LINGO2: variants seen among roughly 807,000 people sequenced by gnomAD.
LINGO2 encodes the protein leucine rich repeat and Ig domain containing 2, also known as leucine-rich repeat and immunoglobulin-like domain-containing nogo receptor-interacting protein 2.
Under a neutral mutation model 30.6 loss-of-function variants are expected in LINGO2, and 14 were observed. That is an observed-to-expected ratio of 0.46 (90% CI 0.30 to 0.72). The LOEUF is 0.72. Ranked by LOEUF, LINGO2 falls within the 30% of genes least tolerant of loss-of-function variation. LINGO2 has a pLI of 0.07. For synonymous variants in LINGO2, 317 were observed against 288.5 expected (o/e 1.10, Z -1.00); for missense variants, 729 against 751.7 (o/e 0.97, Z 0.35).
rs569701444 is a variant in LINGO2, at chr9:28,430,109, C to CGCGCGTGTGTGT, written c.-279+45830_-279+45831insACACACACGCGC. Among the ~76,000 whole-genome samples, 322 of 136,196 alleles carry CGCGCGTGTGTGT rather than the reference C, an allele frequency of 2.4e-3. 1 individual carries two copies. Among genetic ancestry groups the CGCGCGTGTGTGT allele is most frequent in the Middle Eastern group, 7.5e-3 (2 of 266 alleles). 89.3% of individuals were successfully genotyped at this position (136,196 alleles called of 152,430 possible). On this transcript the variant is annotated intron_variant, in intron 2 of 5. Transcript: ENST00000379992. The stretch of plus-strand genomic sequence containing the variant: ...AGGCTGATTTCCACGCGCGCGCGCG[C>CGCGCGTGTGTGT]GTGTGTGTGTGTGTGTGTGTGATTC...
At chr9:28,937,148 C>A in the LINGO2 span, among the ~76,000 whole-genome samples, 30 of 152,252 alleles carry the variant, frequency 2.0e-4, no homozygotes, top group African/African-American at 6.5e-4. Context: ...AATCTACCCT[C>A]TGGTCCCCCA....
At chr9:28,201,764 C>A (rs887135236) in intron 4 of LINGO2, among the ~76,000 whole-genome samples, 5 of 151,910 alleles carry the variant, frequency 3.3e-5, no homozygotes, top group Non-Finnish European at 5.9e-5. Context: ...CCTTTCCCCC[C>A]ACATCCTTTC....
chr9:29,108,115 C>T, the LINGO2 span, among the ~76,000 whole-genome samples: 1 of 152,106 alleles, frequency 6.6e-6, no homozygotes, highest in African/African-American at 2.4e-5. Flanking sequence ...AATTCTTGCT[C>T]CTATTCCAAC....
At chr9:28,386,416 T>C (rs1170786560) in intron 2 of LINGO2, among the ~76,000 whole-genome samples, 1 of 152,158 alleles carries the variant, frequency 6.6e-6, no homozygotes, top group East Asian at 1.9e-4. Flanking sequence ...ACATATCCTG[T>C]TCCTACTCAA....
chr9:28,821,907 G>A, the LINGO2 span, among the ~76,000 whole-genome samples: 1 of 152,156 alleles, frequency 6.6e-6, no homozygotes, highest in Admixed American at 6.6e-5. Flanking sequence ...CTGTTGGAGA[G>A]TGGGAGACAA....
At chr9:28,614,850 T>A (rs1826070890) in intron 1 of LINGO2, among the ~76,000 whole-genome samples, 1 of 152,066 alleles carries the variant, frequency 6.6e-6, no homozygotes, top group African/African-American at 2.4e-5. Flanking sequence ...ACTCCTCAGG[T>A]GTCAACCCTA....
intron 1 of LINGO2, among the ~76,000 whole-genome samples, chr9:28,613,061 T>C (rs1044191827): frequency 1.3e-5 from 2 of 152,140 alleles, no homozygotes; most frequent in African/African-American, 4.8e-5. Flanking sequence ...TTCTCCTTCC[T>C]GTCATCTTGT....
the LINGO2 span, among the ~76,000 whole-genome samples, chr9:28,726,229 T>C: frequency 6.6e-6 from 1 of 152,166 alleles, no homozygotes; most frequent in African/African-American, 2.4e-5. Flanking sequence ...ATCTCATTAT[T>C]TCGTCCTTAT....
At chr9:27,986,989 G>A (rs568489342) in intron 5 of LINGO2, among the ~76,000 whole-genome samples, 34 of 151,566 alleles carry the variant, frequency 2.2e-4, no homozygotes, top group African/African-American at 8.0e-4. Flanking sequence ...ATAAGGTGGG[G>A]AATAGTAATT....
intron 4 of LINGO2, among the ~76,000 whole-genome samples, chr9:28,223,431 C>G (rs1821037115): frequency 6.6e-6 from 1 of 152,146 alleles, no homozygotes; most frequent in African/African-American, 2.4e-5. Flanking sequence ...GGGGAGAAGC[C>G]CTTATAACCT....
chr9:28,054,886 C>T (rs913980611), intron 4 of LINGO2, among the ~76,000 whole-genome samples: 1 of 151,998 alleles, frequency 6.6e-6, no homozygotes, highest in Non-Finnish European at 1.5e-5. Context: ...TTCAAATATC[C>T]AAGCACTACT....
chr9:28,489,193 T>C (rs1251617614), intron 1 of LINGO2, among the ~76,000 whole-genome samples: 3 of 152,146 alleles, frequency 2.0e-5, no homozygotes, highest in Admixed American at 2.0e-4. Flanking sequence ...GATATCACAC[T>C]TTAAAATGTC....
chr9:28,440,026 T>A (rs1462555477), intron 2 of LINGO2, among the ~76,000 whole-genome samples: 1 of 152,202 alleles, frequency 6.6e-6, no homozygotes, highest in Non-Finnish European at 1.5e-5. Flanking sequence ...TTTGGTGTTA[T>A]TTTTCACCCT....
At chr9:28,538,511 A>C (rs1243296069) in intron 1 of LINGO2, among the ~76,000 whole-genome samples, 1 of 152,152 alleles carries the variant, frequency 6.6e-6, no homozygotes, top group Non-Finnish European at 1.5e-5. Context: ...AGAATAAAGG[A>C]GTAAAAAAGA....
At chr9:29,028,086 T>C in the LINGO2 span, among the ~76,000 whole-genome samples, 1 of 152,140 alleles carries the variant, frequency 6.6e-6, no homozygotes. Flanking sequence ...GTATCTTAAA[T>C]ACCCAGAAAG....
chr9:28,877,233 T>G, the LINGO2 span, among the ~76,000 whole-genome samples: 80 of 151,964 alleles, frequency 5.3e-4, no homozygotes, highest in African/African-American at 1.9e-3. Flanking sequence ...TTTCTTTTGC[T>G]GTGCAGAAGC....
the LINGO2 span, among the ~76,000 whole-genome samples, chr9:29,184,913 T>G: frequency 6.6e-6 from 1 of 152,238 alleles, no homozygotes; most frequent in Non-Finnish European, 1.5e-5. Context: ...ATTACTTTTT[T>G]GCATGTGCTA....
intron 1 of LINGO2, among the ~76,000 whole-genome samples, chr9:28,632,011 A>T (rs1012075068): frequency 1.3e-5 from 2 of 152,138 alleles, no homozygotes; most frequent in Non-Finnish European, 2.9e-5. Flanking sequence ...GTTAGAGCCA[A>T]GGGTGGCAAA....
intron 4 of LINGO2, among the ~76,000 whole-genome samples, chr9:28,092,271 C>G (rs1826114006): frequency 6.6e-6 from 1 of 152,010 alleles, no homozygotes; most frequent in Admixed American, 6.6e-5. Flanking sequence ...GCACTATTCA[C>G]AATAGCAAAG....
Sources: gnomAD v4.1 joint callset for allele counts (sites outside exome capture counted in the v4.1 genomes callset) on GRCh38, gnomAD v4.1.1 for gene constraint, MANE v1.5 for transcripts, NCBI Gene and HGNC (gene_info 2026-07-23, HGNC 2026-07-21) for gene names.